FBXO16: variants seen among roughly 807,000 people sequenced by gnomAD.
FBXO16 encodes F-box only protein 16.
A neutral mutation model predicts 41.0 loss-of-function variants in FBXO16; 31 were observed. That is an observed-to-expected ratio of 0.76 (90% CI 0.57 to 1.02). FBXO16 has a LOEUF of 1.02. Ranked by LOEUF, FBXO16 falls within the 50% of genes least tolerant of loss-of-function variation. FBXO16 has a pLI of 0.00. For synonymous variants in FBXO16, 133 were observed against 117.8 expected, an observed-to-expected ratio of 1.13 and a Z score of -0.84; for missense variants, 361 against 346.2, an observed-to-expected ratio of 1.04 and a Z score of -0.34.
chr8:28,479,297 T>C (rs1803475617), intron 2 of FBXO16, among the ~76,000 whole-genome samples: 2 of 152,122 alleles, frequency 1.3e-5, no homozygotes, highest in Admixed American at 1.3e-4. Context: ...CCCTTTTCTC[T>C]CCTTTTCCTT....
intron 3 of FBXO16, among the ~76,000 whole-genome samples, chr8:28,467,051 C>T (rs568633583): frequency 2.0e-5 from 3 of 152,204 alleles, no homozygotes; most frequent in East Asian, 1.9e-4. Flanking sequence ...AAGGGATCCT[C>T]CCACCTCAGC....
intron 2 of FBXO16, among the ~76,000 whole-genome samples, chr8:28,477,717 TG>T (rs767331028): frequency 3.9e-5 from 6 of 152,196 alleles, no homozygotes; most frequent in Non-Finnish European, 7.3e-5. Context: ...TATAACTCTT[TG>T]GGAAAAACCA....
At chr8:28,464,732 C>G (rs923213017) in intron 3 of FBXO16, among the ~76,000 whole-genome samples, 1 of 152,120 alleles carries the variant, frequency 6.6e-6, no homozygotes, top group African/African-American at 2.4e-5. Context: ...TGGCTCACTG[C>G]AACCTCCACC....
At chr8:28,471,536 A>T (rs1171851289) in intron 3 of FBXO16, among the ~76,000 whole-genome samples, 3 of 152,102 alleles carry the variant, frequency 2.0e-5, no homozygotes, top group South Asian at 2.1e-4. Flanking sequence ...TAAAATGGAG[A>T]CAGAAATGTA....
rs774755687 is a variant in FBXO16 at position 28,429,369 on chromosome 8, G to A, written c.869+9C>T. 2.1e-5 allele frequency: 34 copies of A among 1,613,676 alleles called. No individual in the cohort carries two copies. The highest frequency in any genetic ancestry group is 1.3e-4 in the Admixed American group (8 of 59,966). On this transcript the variant is annotated intron_variant, in intron 8 of 8. Coordinates refer to ENST00000380254, the MANE Select transcript of FBXO16 (RefSeq NM_172366.4). ...AATGTCACAGGTTGATATCACAACC[G>A]AAACTCACAGTGGGAAGGGATTTCT... is the stretch of plus-strand genomic sequence containing the variant.
At chr8:28,482,004 C>T (rs6985590) in intron 2 of FBXO16, among the ~76,000 whole-genome samples, 46,051 of 151,912 alleles carry the variant, frequency 0.3, 7,725 homozygotes, top group East Asian at 0.63. Context: ...TGGGTGCAAA[C>T]CACTGTTACG....
chr8:28,430,903 C>T (rs1387969005), intron 7 of FBXO16, among the ~76,000 whole-genome samples: 3 of 152,036 alleles, frequency 2.0e-5, no homozygotes, highest in Non-Finnish European at 2.9e-5. Context: ...ACCTGGGAGG[C>T]AGAGGTGACA....
chr8:28,480,940 A>C (rs1585921514), intron 2 of FBXO16, among the ~76,000 whole-genome samples: 1 of 152,234 alleles, frequency 6.6e-6, no homozygotes, highest in South Asian at 2.1e-4. Context: ...AAGAAAAGGA[A>C]GCAGGACACG....
chr8:28,471,742 A>G (rs1237961231), intron 3 of FBXO16, among the ~76,000 whole-genome samples: 2 of 150,646 alleles, frequency 1.3e-5, no homozygotes, highest in African/African-American at 4.9e-5. Flanking sequence ...TATAACGAAA[A>G]ACAGGAAGAA....
intron 4 of FBXO16, among the ~76,000 whole-genome samples, chr8:28,461,556 C>CTT (rs56111911): frequency 3.7e-4 from 55 of 148,032 alleles, no homozygotes; most frequent in Admixed American, 1.5e-3. Context: ...GGTTGTTGGT[C>CTT]TTTTTTTTTT....
At chr8:28,463,952 A>G (rs1803190270) in intron 3 of FBXO16, 134 bp from the exon 4 acceptor site, 1 of 850,184 alleles carries the variant, frequency 1.2e-6, no homozygotes, top group African/African-American at 1.7e-5. Flanking sequence ...TTCCCTAATC[A>G]GCAAATTCCA....
At chr8:28,434,627 C>T (rs972690796) in intron 7 of FBXO16, among the ~76,000 whole-genome samples, 1 of 152,196 alleles carries the variant, frequency 6.6e-6, no homozygotes, top group Non-Finnish European at 1.5e-5. Flanking sequence ...TTCACCTCCT[C>T]CCTTTAAAAA....
chr8:28,476,843 ACTTTC>A (rs1314622467), intron 2 of FBXO16, among the ~76,000 whole-genome samples: 1 of 152,234 alleles, frequency 6.6e-6, no homozygotes, highest in African/African-American at 2.4e-5. Context: ...AATGTGGATC[ACTTTC>A]CTTTCTTTTA....
intron 7 of FBXO16, among the ~76,000 whole-genome samples, chr8:28,431,523 G>A (rs941346617): frequency 6.6e-6 from 1 of 152,122 alleles, no homozygotes; most frequent in Non-Finnish European, 1.5e-5. Flanking sequence ...ACCAATGTTG[G>A]GGTCTCCAAA....
intron 7 of FBXO16, among the ~76,000 whole-genome samples, chr8:28,431,517 A>G (rs1451718775): frequency 2.0e-5 from 3 of 152,138 alleles, no homozygotes; most frequent in African/African-American, 4.8e-5. Context: ...TTCTATACCA[A>G]TGTTGGGGTC....
At chr8:28,475,894 G>C (rs1427407554) in intron 2 of FBXO16, among the ~76,000 whole-genome samples, 1 of 152,126 alleles carries the variant, frequency 6.6e-6, no homozygotes, top group Non-Finnish European at 1.5e-5. Context: ...CCATATTTTA[G>C]AAAGGATAAG....
chr8:28,437,501 G>A (rs931793709), intron 7 of FBXO16, among the ~76,000 whole-genome samples: 10 of 152,224 alleles, frequency 6.6e-5, no homozygotes, highest in African/African-American at 2.4e-4. Flanking sequence ...TTCTTAGGCT[G>A]TGGAGTGCAC....
In FBXO16 at chr8:28,463,636, A is replaced by G. The variant is rs7822086; in HGVS notation, c.318T>C (p.Pro106=). The G allele has an allele frequency of 0.011, 18,240 of 1,614,002 alleles. 1,708 individuals are homozygous for G. The African/African-American group carries it at 0.21, about 18-fold the overall frequency. ...CCTGTGCACAACGACAAAGGCTCCGAGGGTCCAGGAAAGAAAAGATGTATA... is the reference window on the plus strand; with the variant it reads ...CCTGTGCACAACGACAAAGGCTCCGGGGGTCCAGGAAAGAAAAGATGTATA... ...LSLYIFSFLD[P]RSLCRCAQVC... Residue 106 remains proline, a synonymous_variant, in exon 4 of 9, where the codon CCT becomes CCC. Transcript: ENST00000380254.
chr8:28,459,146 C>A (rs1803083803), intron 4 of FBXO16, among the ~76,000 whole-genome samples: 1 of 152,094 alleles, frequency 6.6e-6, no homozygotes, highest in Non-Finnish European at 1.5e-5. Context: ...ACCCATGACC[C>A]CGTAAATCAG....
Sources: gnomAD v4.1 joint callset for allele counts (sites outside exome capture counted in the v4.1 genomes callset) on GRCh38, gnomAD v4.1.1 for gene constraint, MANE v1.5 for transcripts, NCBI Gene and HGNC (gene_info 2026-07-23, HGNC 2026-07-21) for gene names.